Variants in TBC1D19 observed in about 807,000 individuals in gnomAD.
The protein encoded by TBC1D19 is TBC1 domain family, member 19.
In TBC1D19, 60 loss-of-function variants were observed where a neutral mutation model predicts 89.0. The observed-to-expected ratio is 0.67, with a 90% CI of 0.55 to 0.84. The LOEUF (loss-of-function observed/expected upper bound fraction) is 0.84, where lower values mean the gene tolerates loss of function less well. TBC1D19 is among the 40% of genes least tolerant of loss of function. TBC1D19 has a pLI of 0.00. For synonymous variants in TBC1D19, 189 were observed against 199.7 expected (o/e 0.95, Z 0.45); for missense variants, 500 against 610.8 (o/e 0.82, Z 1.91).
chr4:26,682,909 A>G (rs192737247), intron 11 of TBC1D19, among the ~76,000 whole-genome samples: 49 of 151,940 alleles, frequency 3.2e-4, no homozygotes, highest in African/African-American at 1.1e-3. Flanking sequence ...GCAGTTAATC[A>G]GATTTTATAG....
downstream of TBC1D19, among the ~76,000 whole-genome samples, chr4:26,759,111 G>C (rs1428128966): frequency 6.6e-6 from 1 of 152,096 alleles, no homozygotes; most frequent in Non-Finnish European, 1.5e-5. Flanking sequence ...AGGGAAGACT[G>C]CTTCTCTTAA....
intron 1 of TBC1D19, among the ~76,000 whole-genome samples, chr4:26,605,344 A>G (rs1272061564): frequency 6.7e-6 from 1 of 150,084 alleles, no homozygotes; most frequent in Non-Finnish European, 1.5e-5. Flanking sequence ...GAGAATGATG[A>G]TTTCCAATTT....
At chr4:26,831,241 T>A in the TBC1D19 span, among the ~76,000 whole-genome samples, 1 of 152,206 alleles carries the variant, frequency 6.6e-6, no homozygotes, top group Non-Finnish European at 1.5e-5. Context: ...ATTTTCATCT[T>A]CAAAAATAAG....
intron 10 of TBC1D19, among the ~76,000 whole-genome samples, chr4:26,673,424 C>CATATATATAT (rs769124292): frequency 3.8e-5 from 4 of 106,022 alleles, no homozygotes; most frequent in South Asian, 3.6e-4. Context: ...AAAATTATTT[C>CATATATATAT]ATATATATAT....
At chr4:26,620,711 T>A (rs759275486) in intron 4 of TBC1D19, 23 bp downstream of exon 4, 1 of 1,608,100 alleles carries the variant, frequency 6.2e-7, no homozygotes, top group South Asian at 1.1e-5. Context: ...TCAATTTCAT[T>A]TTATTTTTTC....
intron 1 of TBC1D19, among the ~76,000 whole-genome samples, chr4:26,578,503 C>T (rs920967865): frequency 8.6e-5 from 13 of 151,808 alleles, no homozygotes; most frequent in African/African-American, 2.4e-4. Flanking sequence ...TGTAAGTTTC[C>T]CAGGTGGCAA....
intron 13 of TBC1D19, among the ~76,000 whole-genome samples, chr4:26,694,473 G>C (rs1714590029): frequency 6.6e-6 from 1 of 152,188 alleles, no homozygotes; most frequent in Non-Finnish European, 1.5e-5. Flanking sequence ...TCTGGGGGCC[G>C]GGCATAGCCG....
chr4:26,578,415 A>G (rs1022824729), intron 1 of TBC1D19, among the ~76,000 whole-genome samples: 2 of 152,198 alleles, frequency 1.3e-5, no homozygotes, highest in African/African-American at 4.8e-5. Context: ...CTCATAACAT[A>G]TGCTTGTCTT....
rs766531998 is a variant in TBC1D19, at chr4:26,739,939, T to C, written c.1193T>C (p.Phe398Ser). ...TTCCGTGAGATGTATGTGCGTTTTT[T>C]CTTCAGACTCCATTCCATCTCTTCT... ...QIFREMYVRF[F>S]FRLHSISSHP... The change falls in exon 17 of 21, where the codon TTC becomes TCC. Residue 398 changes from phenylalanine to serine, a missense_variant. Transcript: ENST00000264866. 1 of 1,596,918 alleles carries C rather than the reference T, an allele frequency of 6.3e-7. No individual in the cohort carries two copies. Among genetic ancestry groups the C allele is most frequent in the East Asian group, 2.3e-5 (1 of 43,610 alleles).
At chr4:26,639,350 G>C (rs1743340265) in intron 6 of TBC1D19, among the ~76,000 whole-genome samples, 1 of 152,094 alleles carries the variant, frequency 6.6e-6, no homozygotes, top group Non-Finnish European at 1.5e-5. Context: ...GTGAGCCACT[G>C]CGCCTGGCCT....
intron 1 of TBC1D19, among the ~76,000 whole-genome samples, chr4:26,594,517 CCT>C (rs1423151331): frequency 6.6e-6 from 1 of 152,060 alleles, no homozygotes; most frequent in East Asian, 1.9e-4. Context: ...TTGTAAAGAC[CCT>C]GTTTCTCTAG....
rs1184201828 is a variant in TBC1D19, at chr4:26,755,653, C to T, written c.*706C>T. 6.6e-6 allele frequency among the ~76,000 whole-genome samples: 1 copy of T among 152,182 alleles called. No individual in the cohort carries two copies. Among genetic ancestry groups the T allele is most frequent in the Non-Finnish European group, 1.5e-5 (1 of 68,034 alleles). ...TCACTTCTCAACCTTCCTTCTCTTG[C>T]TTAGAAGACTTGACATTGCCGATGC... On this transcript the variant is annotated 3_prime_UTR_variant, in exon 21 of 21. Transcript: ENST00000264866.
the TBC1D19 span, among the ~76,000 whole-genome samples, chr4:26,850,464 CCT>C: frequency 2.9e-3 from 408 of 141,168 alleles, no homozygotes; most frequent in African/African-American, 0.01. Flanking sequence ...GGGAGGACTG[CCT>C]GAACCAAGAG....
the TBC1D19 span, among the ~76,000 whole-genome samples, chr4:26,811,718 A>C: frequency 6.6e-6 from 1 of 152,242 alleles, no homozygotes; most frequent in Non-Finnish European, 1.5e-5. Flanking sequence ...ATGCTAAACA[A>C]GGAGTGGGTT....
At chr4:26,829,224 A>G in the TBC1D19 span, among the ~76,000 whole-genome samples, 2 of 152,222 alleles carry the variant, frequency 1.3e-5, no homozygotes, top group Non-Finnish European at 2.9e-5. Flanking sequence ...GAAAAACCTT[A>G]TCGCAGTTCA....
At chr4:26,704,709 A>G (rs1446574582) in intron 13 of TBC1D19, among the ~76,000 whole-genome samples, 1 of 152,166 alleles carries the variant, frequency 6.6e-6, no homozygotes, top group East Asian at 1.9e-4. Context: ...ATAGAAATAT[A>G]TATAAATTCT....
intron 15 of TBC1D19, among the ~76,000 whole-genome samples, chr4:26,734,892 G>A (rs7685180): frequency 6.2e-5 from 3 of 48,130 alleles, no homozygotes; most frequent in East Asian, 1.2e-3. Context: ...GTATACGTAT[G>A]TGTGTGTATA....
intron 1 of TBC1D19, among the ~76,000 whole-genome samples, chr4:26,594,520 G>A (rs1188976049): frequency 1.3e-5 from 2 of 152,108 alleles, no homozygotes; most frequent in Non-Finnish European, 2.9e-5. Context: ...TAAAGACCCT[G>A]TTTCTCTAGC....
chr4:26,640,792 C>A (rs1743448828), intron 7 of TBC1D19, among the ~76,000 whole-genome samples: 1 of 152,034 alleles, frequency 6.6e-6, no homozygotes, highest in African/African-American at 2.4e-5. Flanking sequence ...GCCCACAGAC[C>A]CTTGCTCACT....
Sources: allele counts gnomAD v4.1 joint callset (sites outside exome capture counted in the v4.1 genomes callset), GRCh38; gene constraint gnomAD v4.1.1; transcripts MANE v1.5; gene names NCBI Gene and HGNC (gene_info 2026-07-23, HGNC 2026-07-21).